LTBP4: variants seen among roughly 807,000 people sequenced by gnomAD.
The protein encoded by LTBP4 is latent-transforming growth factor beta-binding protein 4.
In LTBP4, 93 loss-of-function variants were observed where a neutral mutation model predicts 180.2. The observed-to-expected ratio is 0.52, with a 90% CI of 0.44 to 0.61. The LOEUF is 0.61. Ranked by LOEUF, LTBP4 falls within the 20% of genes least tolerant of loss-of-function variation. The pLI is 0.00. For missense variants in LTBP4, 2,116 were observed against 2,256.5 expected, an observed-to-expected ratio of 0.94 and a Z score of 1.26; for synonymous variants, 947 against 934.5, an observed-to-expected ratio of 1.01 and a Z score of -0.24.
At chr19:40,620,470 T>A (rs965812710) in intron 22 of LTBP4, among the ~76,000 whole-genome samples, 36 of 146,728 alleles carry the variant, frequency 2.5e-4, no homozygotes, top group African/African-American at 8.9e-4. Flanking sequence ...TTTTTTTTTT[T>A]AATTTTTAAA....
In LTBP4 at chr19:40,612,170, C is replaced by T. The variant is rs1204951841; in HGVS notation, c.2277C>T (p.His759=). 1 of 1,609,036 alleles carries T rather than the reference C, an allele frequency of 6.2e-7. No individual in the cohort carries two copies. Among genetic ancestry groups the T allele is most frequent in the African/African-American group, 1.3e-5 (1 of 74,990 alleles). ...GCAGGACCTGTCCTTCTGGCCACCA[C>T]CTGCACCGTGGCAGATGCACTGGTG... is the stretch of plus-strand genomic sequence containing the variant. The part of the protein sequence containing the change: ...FQCRTCPSGH[H]LHRGRCTDVD... The change falls in exon 15 of 30, where the codon CAC becomes CAT. Residue 759 remains histidine (H), a synonymous_variant. Coordinates refer to ENST00000396819, the MANE Select transcript of LTBP4 (RefSeq NM_001042545.2).
At chr19:40,597,172 C>T, upstream of LTBP4, 1 of 1,276,644 alleles carries the variant, frequency 7.8e-7, no homozygotes, top group Non-Finnish European at 9.9e-7. Context: ...AGGGGCGGGG[C>T]CGGGGCTAGC....
upstream of LTBP4, chr19:40,599,714 C>A: frequency 1.5e-6 from 1 of 662,738 alleles, no homozygotes; most frequent in Non-Finnish European, 2.6e-6. Flanking sequence ...CTATTTCATC[C>A]CTTGCCTGCC....
At position 40,606,130 on chromosome 19, in the gene LTBP4, A is replaced by G. The variant is rs2081459445; in HGVS notation, c.794-103A>G. 2.7e-6 allele frequency: 3 copies of G among 1,099,718 alleles called. No homozygotes were observed. The East Asian group carries it at 7.8e-5, about 28-fold the overall frequency. 68.1% of individuals were successfully genotyped at this position (1,099,718 alleles called of 1,614,324 possible). On this transcript the variant is annotated intron_variant, in intron 4 of 29. Coordinates refer to ENST00000396819, the MANE Select transcript of LTBP4 (RefSeq NM_001042545.2). ...CTAAGGCTGTCCCTGCACTTAAACT[A>G]CAGCCAACATCTTTTAGTCCCTCCC...
intron 26 of LTBP4, among the ~76,000 whole-genome samples, chr19:40,625,183 C>T (rs2081615017): frequency 6.9e-6 from 1 of 144,098 alleles, no homozygotes; most frequent in South Asian, 2.3e-4. Context: ...CCCAAATGAT[C>T]CTCCCACCTC....
chr19:40,627,899 GGCTTGTCCAGGGAGGGTGGAA>G, intron 29 of LTBP4, 42 bp downstream of exon 29: 2 of 1,532,642 alleles, frequency 1.3e-6, no homozygotes, highest in Non-Finnish European at 1.7e-6. Context: ...GGAGAGGCGA[GGCTTGTCCAGGGAGGGTGGAA>G]GCCCTGACTA....
At position 40,627,835 on chromosome 19, in the gene LTBP4, C is replaced by T; in HGVS notation, c.4497C>T (p.Asp1499=). The change falls in exon 29 of 30, where the codon GAC becomes GAT. Residue 1499 remains aspartate, a synonymous_variant. Transcript: ENST00000396819. ...TCRCFDGYRL[D]MTRMACVDIN... is the part of the protein sequence containing the mutation. ...GTTGCTTCGACGGCTACCGCCTGGA[C>T]ATGACCCGCATGGCCTGCGTTGGTG... 6.4e-7 allele frequency: 1 copy of T among 1,568,490 alleles called. No homozygotes were observed. The highest frequency in any genetic ancestry group is 8.6e-7 in the Non-Finnish European group (1 of 1,163,300).
upstream of LTBP4, chr19:40,599,275 G>A: frequency 3.1e-6 from 5 of 1,613,934 alleles, no homozygotes; most frequent in South Asian, 4.4e-5. Flanking sequence ...GGAAGATGGA[G>A]TATGAGTAGG....
chr19:40,612,997 T>A, intron 15 of LTBP4, 68 bp from the exon 16 acceptor site: 10 of 1,397,722 alleles, frequency 7.2e-6, no homozygotes, highest in Non-Finnish European at 9.9e-6. Context: ...CCAGACACCC[T>A]ACTCCAAGGG....
chr19:40,603,792 A>AG (rs1281229485), intron 1 of LTBP4, among the ~76,000 whole-genome samples: 1 of 152,086 alleles, frequency 6.6e-6, no homozygotes, highest in Non-Finnish European at 1.5e-5. Context: ...AGAGAGAGGG[A>AG]GGGGGTGCCC....
intron 29 of LTBP4, 75 bp downstream of exon 29, chr19:40,627,932 G>C (rs1599881128): frequency 4.0e-6 from 6 of 1,496,022 alleles, no homozygotes; most frequent in South Asian, 2.5e-5. Flanking sequence ...CCCTGACTAG[G>C]GGGTGCTGGT....
intron 28 of LTBP4, 33 bp from the exon 29 acceptor site, chr19:40,627,672 C>T: frequency 1.3e-6 from 2 of 1,563,224 alleles, no homozygotes. Context: ...AAGGCAGGGA[C>T]CTCAAGTCAT....
chr19:40,615,164 T>C (rs1474487362), intron 19 of LTBP4, among the ~76,000 whole-genome samples: 1 of 119,174 alleles, frequency 8.4e-6, no homozygotes, highest in Admixed American at 8.7e-5. Flanking sequence ...GGGCTAATCT[T>C]CCATACAGTA....
At chr19:40,624,894 T>C (rs2081613226) in intron 26 of LTBP4, among the ~76,000 whole-genome samples, 1 of 151,926 alleles carries the variant, frequency 6.6e-6, no homozygotes. Context: ...GATCTTTGTT[T>C]TCAGGTCCCT....
intron 15 of LTBP4, among the ~76,000 whole-genome samples, 179 bp downstream of exon 15, chr19:40,612,371 G>A (rs965003583): frequency 1.3e-5 from 2 of 152,108 alleles, no homozygotes; most frequent in Admixed American, 6.5e-5. Flanking sequence ...TGTGACTCCT[G>A]AGACCCAACT....
upstream of LTBP4, chr19:40,597,171 G>A (rs1375513760): frequency 5.7e-6 from 7 of 1,223,810 alleles, no homozygotes; most frequent in Admixed American, 1.7e-4. Flanking sequence ...CAGGGGCGGG[G>A]CCGGGGCTAG....
chr19:40,627,964 C>G (rs1306624686), intron 29 of LTBP4, 107 bp downstream of exon 29: 1 of 1,408,226 alleles, frequency 7.1e-7, no homozygotes, highest in African/African-American at 1.4e-5. Flanking sequence ...AAGGACCTCA[C>G]TACAGGGGAC....
chr19:40,599,405 C>T (rs370696272), upstream of LTBP4: 967 of 1,612,694 alleles, frequency 6.0e-4, 2 homozygotes, highest in African/African-American at 0.012. Flanking sequence ...CACTTAGTCC[C>T]TGGCTGTCTC....
In LTBP4 at chr19:40,614,283, C is replaced by G. The variant is rs369258892; in HGVS notation, c.2681-32C>G. ...TATCCCCCATCTTGCCTCCCTGCTTCCCACATCCGACCACCCGACCTCTCT... is the reference window on the plus strand; with the variant it reads ...TATCCCCCATCTTGCCTCCCTGCTTGCCACATCCGACCACCCGACCTCTCT... On this transcript the variant is annotated intron_variant, in intron 18 of 29. Coordinates refer to ENST00000396819, the MANE Select transcript of LTBP4 (RefSeq NM_001042545.2). 3,446 of 1,588,850 alleles carry G rather than the reference C, an allele frequency of 2.2e-3. 6 individuals are homozygous for G. Among genetic ancestry groups the G allele is most frequent in the Non-Finnish European group, 2.7e-3 (3,180 of 1,171,372 alleles).
Sources: gnomAD v4.1 joint callset for allele counts (sites outside exome capture counted in the v4.1 genomes callset) on GRCh38, gnomAD v4.1.1 for gene constraint, MANE v1.5 for transcripts, NCBI Gene and HGNC (gene_info 2026-07-23, HGNC 2026-07-21) for gene names.